Variants in TTLL7 observed in about 807,000 individuals in gnomAD.
The protein encoded by TTLL7 is tubulin polyglutamylase TTLL7.
In TTLL7, 53 loss-of-function variants were observed where a neutral mutation model predicts 120.2. The ratio of observed to expected loss-of-function variants is 0.44; its 90% CI spans 0.35 to 0.55. TTLL7 has a LOEUF of 0.55. Ranked by LOEUF, TTLL7 falls within the 20% of genes least tolerant of loss-of-function variation. The pLI is 0.00. For missense variants in TTLL7, 803 were observed against 1,054.7 expected (o/e 0.76, Z 3.31); for synonymous variants, 353 against 351.7 (o/e 1.00, Z -0.04).
At position 83,929,175 on chromosome 1, in the gene TTLL7, C is replaced by T; in HGVS notation, c.1103G>A (p.Arg368Lys). Reference protein sequence around the residue: ...TDQKIDYDVKRGVLLNALKLL... With the variant: ...TDQKIDYDVKKGVLLNALKLL... ...CTTCAACGCATTTAGCAGCACTCCC[C>T]TTTTTACATCATAGTCTATTTTCTG... is the stretch of plus-strand genomic sequence containing the variant. Residue 368 changes from arginine to lysine, a missense_variant, in exon 10 of 21, where the codon AGG (arginine) becomes AAG (lysine). By Grantham distance (26) the Arg-to-Lys change is conservative (BLOSUM62 2). Coordinates refer to ENST00000260505, the MANE Select transcript of TTLL7 (RefSeq NM_024686.6). 1 of 1,612,794 alleles carries T rather than the reference C, an allele frequency of 6.2e-7. No homozygotes were observed. The highest frequency in any genetic ancestry group is 1.1e-5 in the South Asian group (1 of 90,986).
At chr1:83,900,258 C>T (rs1656604045) in intron 18 of TTLL7, 5 of 337,656 alleles carry the variant, frequency 1.5e-5, no homozygotes, top group South Asian at 2.3e-5. Flanking sequence ...TTAAAAGAGT[C>T]TAGAATGGAA....
In TTLL7 at chr1:83,894,197, T is replaced by C. The variant is rs544258679; in HGVS notation, c.2209-3716A>G. On this transcript the variant is annotated intron_variant, in intron 18 of 20. Transcript: ENST00000260505. ...CTGTCAATATATTAGTAAGTAATAATAGGCCAAAAGTCATAATGCAGAAAG... is the reference window on the plus strand; with the variant it reads ...CTGTCAATATATTAGTAAGTAATAACAGGCCAAAAGTCATAATGCAGAAAG... Among the ~76,000 whole-genome samples the C allele has an allele frequency of 2.4e-3, 370 of 152,170 alleles. 3 individuals are homozygous for C. Among genetic ancestry groups the C allele is most frequent in the African/African-American group, 8.7e-3 (360 of 41,536 alleles).
At chr1:83,979,312 G>C (rs1300218717) in intron 1 of TTLL7, 1 of 152,196 alleles carries the variant, frequency 6.6e-6, no homozygotes, top group African/African-American at 2.4e-5. Context: ...CTTGTGTGCT[G>C]AGTCTGCCTC....
At position 83,890,314 on chromosome 1, in the gene TTLL7, A is replaced by T; in HGVS notation, c.2369+7T>A. ...ATGACGATAATAAAAGATGACTTAG[A>T]GCTTACCCTGAATCACAGAAACAGT... On this transcript the variant is annotated splice_region_variant and intron_variant, in intron 19 of 20. Transcript: ENST00000260505. 6.2e-7 allele frequency: 1 copy of T among 1,606,528 alleles called. No individual in the cohort carries two copies. The highest frequency in any genetic ancestry group is 8.5e-7 in the Non-Finnish European group (1 of 1,177,496).
At chr1:83,974,705 A>C (rs1367381903) in intron 1 of TTLL7, among the ~76,000 whole-genome samples, 2 of 152,060 alleles carry the variant, frequency 1.3e-5, no homozygotes, top group Non-Finnish European at 2.9e-5. Context: ...ACTACATAAT[A>C]TCAATACATC....
At chr1:83,958,596 A>G (rs1014345834) in intron 1 of TTLL7, among the ~76,000 whole-genome samples, 1 of 152,166 alleles carries the variant, frequency 6.6e-6, no homozygotes, top group African/African-American at 2.4e-5. Flanking sequence ...CCATTTTTGT[A>G]TTATTAATTT....
In TTLL7 at chr1:83,924,361, CA is replaced by C. The variant is rs148504347; in HGVS notation, c.1143-2968del. Among the ~76,000 whole-genome samples, 1,160 of 152,262 alleles carry C rather than the reference CA, an allele frequency of 7.6e-3. 19 individuals are homozygous for C. The highest frequency in any genetic ancestry group is 0.027 in the African/African-American group (1,109 of 41,556). On this transcript the variant is annotated intron_variant, in intron 10 of 20. Transcript: ENST00000260505. ...CGACAAAATATGTGGTATTCGTATACATACAACAGAATGTTATTCCGCCTTA... is the reference window on the plus strand; with the variant it reads ...CGACAAAATATGTGGTATTCGTATACTACAACAGAATGTTATTCCGCCTTA...
chr1:83,924,596 T>C (rs1018846879), intron 10 of TTLL7, among the ~76,000 whole-genome samples: 12 of 152,180 alleles, frequency 7.9e-5, no homozygotes, highest in African/African-American at 2.9e-4. Flanking sequence ...TAGTGTTTAA[T>C]GGGTACACAG....
rs181578576 is a variant in TTLL7 at position 83,875,965 on chromosome 1, T to A, written c.2544-5883A>T. ...ATAATCTTTTCACTTGTTATTAAAA[T>A]TTTTTGGTTCTATTAATCTTTGCAT... On this transcript the variant is annotated intron_variant, in intron 20 of 20. Transcript: ENST00000260505. Among the ~76,000 whole-genome samples the A allele has an allele frequency of 7.4e-3, 1,129 of 152,008 alleles. 19 individuals carry two copies. Among genetic ancestry groups the A allele is most frequent in the African/African-American group, 0.026 (1,079 of 41,546 alleles).
At chr1:83,889,566 CCT>C (rs1383138253) in intron 19 of TTLL7, among the ~76,000 whole-genome samples, 1 of 152,002 alleles carries the variant, frequency 6.6e-6, no homozygotes, top group Admixed American at 6.6e-5. Flanking sequence ...TAATATAAAA[CCT>C]GACTCAAATT....
intron 1 of TTLL7, among the ~76,000 whole-genome samples, chr1:83,966,719 GT>G (rs1036025683): frequency 6.6e-6 from 1 of 152,106 alleles, no homozygotes; most frequent in Admixed American, 6.5e-5. Context: ...TATCCATACT[GT>G]TTTTTTAACA....
intron 20 of TTLL7, among the ~76,000 whole-genome samples, chr1:83,876,725 TGATA>T (rs1222268701): frequency 6.6e-6 from 1 of 151,998 alleles, no homozygotes; most frequent in Non-Finnish European, 1.5e-5. Flanking sequence ...TATTTGTTGT[TGATA>T]AAGAAAAGTG....
intron 1 of TTLL7, among the ~76,000 whole-genome samples, chr1:83,987,060 C>T (rs1404055890): frequency 2.6e-5 from 4 of 151,950 alleles, no homozygotes; most frequent in African/African-American, 9.7e-5. Context: ...AAATCAATTG[C>T]ATTTCTATAT....
In TTLL7 at chr1:83,867,443, G is replaced by C. The variant is rs748414810; in HGVS notation, c.*2519C>G. 2.0e-5 allele frequency: 3 copies of C among 151,972 alleles called. No individual in the cohort carries two copies. Among genetic ancestry groups the C allele is most frequent in the Non-Finnish European group, 2.9e-5 (2 of 67,896 alleles). 9.4% of individuals were successfully genotyped at this position (151,972 alleles called of 1,614,324 possible). A position where few individuals can be genotyped will look rare whatever the true frequency, so the allele number is the denominator to read the frequency against. On this transcript the variant is annotated 3_prime_UTR_variant, in exon 21 of 21. Transcript: ENST00000260505. ...AATTGTAACGCTCAAAATAAGGCCAGACATAAGTAGCTAGAGAAATGAAAT... is the reference window on the plus strand; with the variant it reads ...AATTGTAACGCTCAAAATAAGGCCACACATAAGTAGCTAGAGAAATGAAAT...
intron 4 of TTLL7, chr1:83,948,929 T>C: frequency 9.0e-6 from 3 of 334,048 alleles, no homozygotes; most frequent in South Asian, 1.6e-4. Context: ...TCTACATAGA[T>C]AGTAAAGTTA....
chr1:83,968,457 T>C (rs1049185921), intron 1 of TTLL7, among the ~76,000 whole-genome samples: 1 of 152,076 alleles, frequency 6.6e-6, no homozygotes, highest in African/African-American at 2.4e-5. Flanking sequence ...ACTAGAAGTA[T>C]ATTTACCTTC....
At chr1:83,897,061 C>T (rs1000679494) in intron 18 of TTLL7, among the ~76,000 whole-genome samples, 4 of 151,960 alleles carry the variant, frequency 2.6e-5, no homozygotes, top group Non-Finnish European at 5.9e-5. Flanking sequence ...TTGATCTTTA[C>T]ATTTTACATC....
intron 1 of TTLL7, among the ~76,000 whole-genome samples, 154 bp from the exon 2 acceptor site, chr1:83,952,541 G>A (rs1649156356): frequency 6.6e-6 from 1 of 152,120 alleles, no homozygotes; most frequent in South Asian, 2.1e-4. Context: ...TACGCAAAAT[G>A]CCAAGTGATG....
intron 1 of TTLL7, among the ~76,000 whole-genome samples, chr1:83,998,140 A>G (rs1653655280): frequency 6.6e-6 from 1 of 152,236 alleles, no homozygotes; most frequent in Non-Finnish European, 1.5e-5. Flanking sequence ...TGGACTATAG[A>G]GTCAGGAAAA....
Sources: gnomAD v4.1 joint callset for allele counts (sites outside exome capture counted in the v4.1 genomes callset) on GRCh38, gnomAD v4.1.1 for gene constraint, MANE v1.5 for transcripts, NCBI Gene and HGNC (gene_info 2026-07-23, HGNC 2026-07-21) for gene names.